The following SLC44A1 variants were observed in gnomAD, a reference collection of about 807,000 sequenced individuals.
SLC44A1 encodes the protein choline transporter-like protein 1.
A neutral mutation model predicts 79.3 loss-of-function variants in SLC44A1; 26 were observed. The ratio of observed to expected loss-of-function variants is 0.33; its 90% CI spans 0.24 to 0.46. The LOEUF (loss-of-function observed/expected upper bound fraction) is 0.46, where lower values mean the gene tolerates loss of function less well. Ranked by LOEUF, SLC44A1 falls within the 20% of genes least tolerant of loss-of-function variation. The pLI, the probability that SLC44A1 is intolerant of heterozygous loss-of-function variation, is 1.00. For synonymous variants in SLC44A1, 263 were observed against 286.2 expected (o/e 0.92, Z 0.82); for missense variants, 688 against 798.1 (o/e 0.86, Z 1.66).
At chr9:105,346,771 G>C (rs77567750) in intron 4 of SLC44A1, among the ~76,000 whole-genome samples, 1 of 152,116 alleles carries the variant, frequency 6.6e-6, no homozygotes, top group Non-Finnish European at 1.5e-5. Flanking sequence ...CATTAAAATG[G>C]AAAAGAATAG....
At chr9:105,290,370 AAATG>A (rs1830575344) in intron 1 of SLC44A1, among the ~76,000 whole-genome samples, 1 of 152,314 alleles carries the variant, frequency 6.6e-6, no homozygotes, top group African/African-American at 2.4e-5. Context: ...GATAGGAAAA[AAATG>A]AAGCCCATGA....
At chr9:105,429,866 G>T (rs1327010605) in intron 15 of SLC44A1, among the ~76,000 whole-genome samples, 1 of 141,516 alleles carries the variant, frequency 7.1e-6, no homozygotes, top group African/African-American at 3.2e-5. Flanking sequence ...TTATGCATGT[G>T]TATACCTTAA....
Position 105,354,039 on chromosome 9 carries a change from C to CTTTTTTTTTTTTTTTTT in SLC44A1, c.501-2160_501-2144dup, listed in dbSNP as rs556502972. Among the ~76,000 whole-genome samples, 15 of 98,484 alleles carry CTTTTTTTTTTTTTTTTT rather than the reference C, an allele frequency of 1.5e-4. 2 individuals are homozygous for CTTTTTTTTTTTTTTTTT. The highest frequency in any genetic ancestry group is 7.6e-4 in the African/African-American group (15 of 19,764). The allele number at this position is 98,484 out of a possible 152,430, so 64.6% of individuals were successfully genotyped here. A position where few individuals can be genotyped will look rare whatever the true frequency, so the allele number is the denominator to read the frequency against. Reference sequence around the variant, plus strand: ...TTGACTTAGAAATTTACAGTTAATCCTTTTTTTTTTTTTTTTTTTTTTTTT... The same window carrying CTTTTTTTTTTTTTTTTT: ...TTGACTTAGAAATTTACAGTTAATCCTTTTTTTTTTTTTTTTTTTTTTTTTTTTTTTTTTTTTTTTTT... On this transcript the variant is annotated intron_variant, in intron 5 of 15. Coordinates refer to ENST00000374720, the MANE Select transcript of SLC44A1 (RefSeq NM_080546.5).
At position 105,320,593 on chromosome 9, in the gene SLC44A1, A is replaced by T. The variant is rs573842214; in HGVS notation, c.269+10727A>T. Among the ~76,000 whole-genome samples the T allele has an allele frequency of 2.8e-4, 43 of 151,960 alleles. 1 individual carries two copies. The South Asian group carries it at 7.1e-3, about 25-fold the overall frequency. On this transcript the variant is annotated intron_variant, in intron 3 of 15. Transcript: ENST00000374720. ...CATTTTATTTTATTTTATTTTTTTT[A>T]GAGATAGGATCTCACTATGTTGCAC...
At chr9:105,324,286 TGTGGTC>T (rs1255182918) in intron 3 of SLC44A1, among the ~76,000 whole-genome samples, 1 of 151,478 alleles carries the variant, frequency 6.6e-6, no homozygotes, top group East Asian at 1.9e-4. Context: ...AGTTTCACTC[TGTGGTC>T]TAGGTGGGAG....
chr9:105,308,284 T>C (rs1283396264), intron 2 of SLC44A1, among the ~76,000 whole-genome samples: 1 of 152,238 alleles, frequency 6.6e-6, no homozygotes, highest in Admixed American at 6.5e-5. Flanking sequence ...TAAGACTTTA[T>C]TGAGCTCTTA....
At chr9:105,319,396 T>C (rs1329264790) in intron 3 of SLC44A1, among the ~76,000 whole-genome samples, 1 of 151,744 alleles carries the variant, frequency 6.6e-6, no homozygotes, top group African/African-American at 2.4e-5. Context: ...GTACACGGAG[T>C]CCGAGCACAG....
chr9:105,279,689 T>G (rs1233025497), intron 1 of SLC44A1, among the ~76,000 whole-genome samples: 2 of 152,218 alleles, frequency 1.3e-5, no homozygotes, highest in East Asian at 3.8e-4. Flanking sequence ...AGTGATACAG[T>G]AGGGCATCTT....
intron 4 of SLC44A1, among the ~76,000 whole-genome samples, chr9:105,336,132 GCA>G (rs1437960950): frequency 1.7e-4 from 25 of 143,996 alleles, no homozygotes; most frequent in Middle Eastern, 3.4e-3. Context: ...GTGTGTGTGT[GCA>G]TGTGTGTGTG....
chr9:105,311,445 A>G (rs1372969418), intron 3 of SLC44A1, among the ~76,000 whole-genome samples: 1 of 152,130 alleles, frequency 6.6e-6, no homozygotes, highest in African/African-American at 2.4e-5. Flanking sequence ...ATAACTTGCC[A>G]TGACTCCAAG....
chr9:105,305,718 C>T (rs1831010906), intron 2 of SLC44A1, among the ~76,000 whole-genome samples: 1 of 152,136 alleles, frequency 6.6e-6, no homozygotes, highest in Admixed American at 6.5e-5. Flanking sequence ...ATCTCCCACC[C>T]ACTCTATACA....
chr9:105,296,402 G>T (rs1334743523), intron 1 of SLC44A1, among the ~76,000 whole-genome samples: 1 of 152,150 alleles, frequency 6.6e-6, no homozygotes, highest in Non-Finnish European at 1.5e-5. Flanking sequence ...TTGAATCTTT[G>T]TATTTTTCTG....
At chr9:105,288,376 T>C (rs1830524612) in intron 1 of SLC44A1, among the ~76,000 whole-genome samples, 1 of 152,184 alleles carries the variant, frequency 6.6e-6, no homozygotes, top group Non-Finnish European at 1.5e-5. Context: ...TGAGACAGGG[T>C]CTCGCTCTGT....
At chr9:105,258,705 TG>T (rs1829769622) in intron 1 of SLC44A1, among the ~76,000 whole-genome samples, 1 of 152,130 alleles carries the variant, frequency 6.6e-6, no homozygotes, top group South Asian at 2.1e-4. Flanking sequence ...TTTTGTTTTT[TG>T]GGATGGAGTT....
At chr9:105,305,103 T>C (rs952535813) in intron 2 of SLC44A1, among the ~76,000 whole-genome samples, 1 of 151,506 alleles carries the variant, frequency 6.6e-6, no homozygotes, top group Non-Finnish European at 1.5e-5. Flanking sequence ...CCTGAGTAGC[T>C]GGTACTACAG....
Position 105,395,915 on chromosome 9 carries a change from T to G in SLC44A1, c.*6859T>G. 1 of 979,304 alleles carries G rather than the reference T, an allele frequency of 1.0e-6. No individual in the cohort carries two copies. The highest frequency in any genetic ancestry group is 1.2e-6 in the Non-Finnish European group (1 of 827,684). The allele number at this position is 979,304 out of a possible 1,614,324, so 60.7% of individuals were successfully genotyped here. A position where few individuals can be genotyped will look rare whatever the true frequency, so the allele number is the denominator to read the frequency against. ...GGTGGTGACTTTTTTTTTTTTTTTGTAAATTGTATTAGATACCCCACAGGA... is the reference window on the plus strand; with the variant it reads ...GGTGGTGACTTTTTTTTTTTTTTTGGAAATTGTATTAGATACCCCACAGGA... On this transcript the variant is annotated 3_prime_UTR_variant, in exon 16 of 16. Transcript: ENST00000374720.
At chr9:105,348,495 GT>G (rs1421799532) in intron 5 of SLC44A1, 44 bp downstream of exon 5, 2 of 1,191,092 alleles carry the variant, frequency 1.7e-6, no homozygotes, top group East Asian at 4.7e-5. Flanking sequence ...TGTTGTTTTT[GT>G]AGGTAAATTT....
At chr9:105,327,249 G>T (rs1826606809) in intron 3 of SLC44A1, among the ~76,000 whole-genome samples, 1 of 152,032 alleles carries the variant, frequency 6.6e-6, no homozygotes, top group Admixed American at 6.6e-5. Context: ...GCTCCCAGTG[G>T]CTTCCCAGTG....
chr9:105,316,601 G>C (rs977460744), intron 3 of SLC44A1, among the ~76,000 whole-genome samples: 2 of 152,166 alleles, frequency 1.3e-5, no homozygotes, highest in African/African-American at 4.8e-5. Flanking sequence ...AGGATAAAAA[G>C]ACATCTGTAG....
Sources: gnomAD v4.1 joint callset for allele counts (sites outside exome capture counted in the v4.1 genomes callset) on GRCh38, gnomAD v4.1.1 for gene constraint, MANE v1.5 for transcripts, NCBI Gene and HGNC (gene_info 2026-07-23, HGNC 2026-07-21) for gene names.